Variants in RBSN observed in about 807,000 individuals in gnomAD.
RBSN encodes rabenosyn, RAB effector.
A neutral mutation model predicts 60.5 loss-of-function variants in RBSN; 34 were observed. That is an observed-to-expected ratio of 0.56 (90% CI 0.43 to 0.75). RBSN has a LOEUF of 0.75. RBSN is among the 30% of genes least tolerant of loss of function. The pLI, the probability that RBSN is intolerant of heterozygous loss-of-function variation, is 0.00. For synonymous variants in RBSN, 322 were observed against 366.9 expected, an observed-to-expected ratio of 0.88 and a Z score of 1.40; for missense variants, 845 against 986.8, an observed-to-expected ratio of 0.86 and a Z score of 1.92.
At position 15,098,430 on chromosome 3, in the gene RBSN, C is replaced by T. The variant is rs1046462777; in HGVS notation, c.-500-156G>A. On this transcript the variant is annotated intron_variant, in intron 1 of 13. Transcript: ENST00000253699. ...CATAACTGAACACATAAGCAAGCCC[C>T]TCGCACTCTAAATCACGTAAAAAGT... Among the ~76,000 whole-genome samples, 3 of 142,018 alleles carry T rather than the reference C, an allele frequency of 2.1e-5. No homozygotes were observed. In the East Asian group the frequency reaches 6.1e-4, roughly 29 times the overall value. 93.2% of individuals were successfully genotyped at this position (142,018 alleles called of 152,430 possible).
At chr3:15,083,133 C>T (rs1486778426) in intron 8 of RBSN, among the ~76,000 whole-genome samples, 1 of 152,150 alleles carries the variant, frequency 6.6e-6, no homozygotes, top group Non-Finnish European at 1.5e-5. Context: ...CTTACTCACA[C>T]TTGTACACTT....
At position 15,084,658 on chromosome 3, in the gene RBSN, G is replaced by C; in HGVS notation, c.598+77C>G. 2 of 1,480,222 alleles carry C rather than the reference G, an allele frequency of 1.4e-6. No individual in the cohort carries two copies. Among genetic ancestry groups the C allele is most frequent in the South Asian group, 2.8e-5 (2 of 71,586 alleles). 91.7% of individuals were successfully genotyped at this position (1,480,222 alleles called of 1,614,324 possible). On this transcript the variant is annotated intron_variant, in intron 8 of 13. Transcript: ENST00000253699. The surrounding 1 kb of genome is among the most constrained non-coding windows in gnomAD (Gnocchi z 4.2). ...CATTAATTTAACAAAAAGGTTCCAC[G>C]ATCCCAGTGGTAATTAGCAAATAAG...
Position 15,082,987 on chromosome 3 carries a change from A to G in RBSN, c.599-379T>C, listed in dbSNP as rs2125166849. On this transcript the variant is annotated intron_variant, in intron 8 of 13. Coordinates refer to ENST00000253699, the MANE Select transcript of RBSN (RefSeq NM_022340.4). The surrounding 1 kb of genome is among the most constrained non-coding windows in gnomAD (Gnocchi z 4.2). ...CCTTTTCCAATTCCCTGAGGCAAAAACTATCCATCCTTCCCATCAGTTCCC... is the reference window on the plus strand; with the variant it reads ...CCTTTTCCAATTCCCTGAGGCAAAAGCTATCCATCCTTCCCATCAGTTCCC... 6.6e-6 allele frequency among the ~76,000 whole-genome samples: 1 copy of G among 152,230 alleles called. No homozygotes were observed. The highest frequency in any genetic ancestry group is 2.1e-4 in the South Asian group (1 of 4,822).
chr3:15,091,407 G>A, intron 4 of RBSN: 1 of 1,244,774 alleles, frequency 8.0e-7, no homozygotes, highest in South Asian at 1.4e-5. Flanking sequence ...ACTGGACACA[G>A]AGTTCTTGCT....
At chr3:15,092,491 C>G (rs1202767764) in intron 4 of RBSN, among the ~76,000 whole-genome samples, 1 of 152,160 alleles carries the variant, frequency 6.6e-6, no homozygotes, top group Admixed American at 6.5e-5. Flanking sequence ...ACTGCAACCT[C>G]TGCCTTCCAG....
At chr3:15,080,556 G>C (rs190779025) in intron 10 of RBSN, among the ~76,000 whole-genome samples, 176 bp downstream of exon 10, 1 of 152,130 alleles carries the variant, frequency 6.6e-6, no homozygotes, top group African/African-American at 2.4e-5. Flanking sequence ...CTAAAAGACA[G>C]ACATGAAGAT....
At position 15,098,561 on chromosome 3, in the gene RBSN, GC is replaced by G. The variant is rs1369634054; in HGVS notation, c.-500-288del. On this transcript the variant is annotated intron_variant, in intron 1 of 13. Transcript: ENST00000253699. ...TGCCGCATCGACGACACATCCCACAGCCGCACTCAACCCGGCCTCACGATCG... is the reference window on the plus strand; with the variant it reads ...TGCCGCATCGACGACACATCCCACAGCGCACTCAACCCGGCCTCACGATCG... 6.1e-5 allele frequency among the ~76,000 whole-genome samples: 9 copies of G among 147,394 alleles called. No homozygotes were observed. The East Asian group carries it at 8.3e-4, about 14-fold the overall frequency.
intron 12 of RBSN, 136 bp from the exon 13 acceptor site, chr3:15,075,846 G>T (rs920126059): frequency 1.5e-6 from 1 of 686,074 alleles, no homozygotes; most frequent in South Asian, 1.8e-5. Context: ...CAGCTAGAAA[G>T]GAGAGAACTC....
intron 4 of RBSN, 62 bp from the exon 5 acceptor site, chr3:15,090,601 G>T: frequency 6.4e-7 from 1 of 1,553,786 alleles, no homozygotes; most frequent in Non-Finnish European, 8.7e-7. Context: ...ACAGTCAAAA[G>T]AAATCTCAAA....
intron 6 of RBSN, among the ~76,000 whole-genome samples, 165 bp from the exon 7 acceptor site, chr3:15,085,210 T>C (rs2043308492): frequency 6.6e-6 from 1 of 152,108 alleles, no homozygotes; most frequent in East Asian, 1.9e-4. Context: ...TGGGACAGGG[T>C]ATTAGTTTTG....
intron 9 of RBSN, among the ~76,000 whole-genome samples, chr3:15,081,913 C>T (rs2043214396): frequency 6.6e-6 from 1 of 152,186 alleles, no homozygotes; most frequent in African/African-American, 2.4e-5. Context: ...TTTGGACAAA[C>T]TTAGAAGGGG....
chr3:15,093,734 C>T (rs2043577262), intron 4 of RBSN, among the ~76,000 whole-genome samples: 1 of 152,124 alleles, frequency 6.6e-6, no homozygotes, highest in African/African-American at 2.4e-5. Context: ...CAGAGTTTCA[C>T]TCTGCTGCCC....
intron 10 of RBSN, among the ~76,000 whole-genome samples, chr3:15,080,346 C>T (rs914027095): frequency 6.6e-6 from 1 of 152,070 alleles, no homozygotes; most frequent in Non-Finnish European, 1.5e-5. Flanking sequence ...AGCCCTGACA[C>T]CTCAATGTGA....
chr3:15,079,973 G>A (rs907539215), intron 10 of RBSN, among the ~76,000 whole-genome samples: 17 of 152,152 alleles, frequency 1.1e-4, no homozygotes, highest in African/African-American at 3.4e-4. Context: ...GGCCAGACAC[G>A]GTGGCTCACG....
chr3:15,086,439 C>T (rs777831707), intron 5 of RBSN, among the ~76,000 whole-genome samples: 2 of 152,200 alleles, frequency 1.3e-5, no homozygotes, highest in Admixed American at 6.5e-5. Context: ...AGAGCATGGA[C>T]TCTGGAGTCA....
intron 4 of RBSN, 55 bp from the exon 5 acceptor site, chr3:15,090,594 G>T: frequency 2.6e-6 from 4 of 1,557,950 alleles, no homozygotes; most frequent in Non-Finnish European, 3.5e-6. Context: ...CCAGTAAACA[G>T]TCAAAAGAAA....
At position 15,098,438 on chromosome 3, in the gene RBSN, C is replaced by T. The variant is rs1287236144; in HGVS notation, c.-500-164G>A. On this transcript the variant is annotated intron_variant, in intron 1 of 13. Transcript: ENST00000253699. ...AACACATAAGCAAGCCCCTCGCACT[C>T]TAAATCACGTAAAAAGTAAAAAAAA... 4.3e-5 allele frequency among the ~76,000 whole-genome samples: 6 copies of T among 139,518 alleles called. No individual in the cohort carries two copies. The Admixed American group carries it at 4.6e-4, about 11-fold the overall frequency. The allele number at this position is 139,518 out of a possible 152,430, so 91.5% of individuals were successfully genotyped here.
At chr3:15,078,824 A>ATATATG (rs3042372) in intron 10 of RBSN, among the ~76,000 whole-genome samples, 2 of 100,424 alleles carry the variant, frequency 2.0e-5, no homozygotes, top group African/African-American at 6.9e-5. Flanking sequence ...ATATATATAT[A>ATATATG]CATGGTTTTG....
At chr3:15,093,311 A>G (rs2043565568) in intron 4 of RBSN, among the ~76,000 whole-genome samples, 1 of 152,218 alleles carries the variant, frequency 6.6e-6, no homozygotes, top group African/African-American at 2.4e-5. Context: ...CTGCAACATA[A>G]TCAAGAATTC....
Sources: allele counts gnomAD v4.1 joint callset (sites outside exome capture counted in the v4.1 genomes callset), GRCh38; gene constraint gnomAD v4.1.1; non-coding constraint Gnocchi (gnomAD v3.1); transcripts MANE v1.5; gene names NCBI Gene and HGNC (gene_info 2026-07-23, HGNC 2026-07-21).